Variants in RABGEF1 observed in about 807,000 individuals in gnomAD.
The protein encoded by RABGEF1 is RAB guanine nucleotide exchange factor 1, also known as rab5 GDP/GTP exchange factor.
Under a neutral mutation model 57.3 loss-of-function variants are expected in RABGEF1, and 26 were observed. The ratio of observed to expected loss-of-function variants is 0.45; its 90% confidence interval spans 0.33 to 0.63. The LOEUF (loss-of-function observed/expected upper bound fraction) is 0.63, where lower values mean the gene tolerates loss of function less well. Among genes scored for constraint, RABGEF1 ranks in the 20% least tolerant of loss-of-function variants. The pLI is 0.02. For synonymous variants in RABGEF1, 185 were observed against 210.7 expected (o/e 0.88, Z 1.06); for missense variants, 464 against 607.6 (o/e 0.76, Z 2.48).
intron 1 of RABGEF1, among the ~76,000 whole-genome samples, chr7:66,683,434 G>T (rs1219593588): frequency 6.6e-6 from 1 of 152,222 alleles, no homozygotes; most frequent in African/African-American, 2.4e-5. Context: ...TTCAGGATAT[G>T]AATATTTAAT....
intron 2 of RABGEF1, among the ~76,000 whole-genome samples, chr7:66,724,673 T>G (rs1321941995): frequency 6.6e-6 from 1 of 152,208 alleles, no homozygotes; most frequent in Non-Finnish European, 1.5e-5. Flanking sequence ...CAATATTTAT[T>G]CTTCTTGGAG....
the RABGEF1 span, among the ~76,000 whole-genome samples, chr7:66,676,318 G>A: frequency 2.0e-5 from 3 of 151,960 alleles, no homozygotes; most frequent in Non-Finnish European, 2.9e-5. Flanking sequence ...TTTGCAAATA[G>A]AATCATCTGT....
intron 3 of RABGEF1, among the ~76,000 whole-genome samples, chr7:66,780,769 C>T (rs1809704062): frequency 6.6e-6 from 1 of 152,106 alleles, no homozygotes; most frequent in African/African-American, 2.4e-5. Flanking sequence ...GAAGAATGAA[C>T]CTCTTTTTTA....
chr7:66,682,383 C>G (rs1166731790), intron 1 of RABGEF1: 1 of 153,258 alleles, frequency 6.5e-6, no homozygotes, highest in African/African-American at 2.4e-5. Flanking sequence ...CTCCCGCTGT[C>G]CTTCTTCCCA....
chr7:66,746,752 T>G (rs1421642524), intron 1 of RABGEF1, among the ~76,000 whole-genome samples: 1 of 150,568 alleles, frequency 6.6e-6, no homozygotes, highest in Non-Finnish European at 1.5e-5. Context: ...GCCACCTGAG[T>G]AGCTGGGAAT....
rs560465265 is a variant in RABGEF1 at position 66,711,383 on chromosome 7, G to A, written c.-872-784G>A. ...TCTTAAAGTTTTAGTCTTACATTTAGATCTGAGATCTTTTTGTGCTAATTT... is the reference window on the plus strand; with the variant it reads ...TCTTAAAGTTTTAGTCTTACATTTAAATCTGAGATCTTTTTGTGCTAATTT... On this transcript the variant is annotated intron_variant and NMD_transcript_variant, in intron 1 of 9. Coordinates refer to the RABGEF1 transcript ENST00000607882. Among the ~76,000 whole-genome samples the A allele has an allele frequency of 2.7e-5, 4 of 149,870 alleles. 1 individual carries two copies. The South Asian group carries it at 8.4e-4, about 32-fold the overall frequency.
At chr7:66,755,582 T>A (rs1802517476) in intron 1 of RABGEF1, among the ~76,000 whole-genome samples, 1 of 152,194 alleles carries the variant, frequency 6.6e-6, no homozygotes, top group Non-Finnish European at 1.5e-5. Context: ...GGAGAAATAA[T>A]TTTTGGTCAG....
intron 3 of RABGEF1, among the ~76,000 whole-genome samples, chr7:66,777,113 T>A (rs1808738988): frequency 6.6e-6 from 1 of 152,228 alleles, no homozygotes; most frequent in Non-Finnish European, 1.5e-5. Flanking sequence ...AAGTTATTCT[T>A]CTGATAGAAT....
At chr7:66,761,848 C>G (rs534285005) in intron 1 of RABGEF1, among the ~76,000 whole-genome samples, 4 of 152,188 alleles carry the variant, frequency 2.6e-5, no homozygotes, top group Admixed American at 2.6e-4. Context: ...GTCAGGAGTT[C>G]GAGAGCAGCC....
At chr7:66,714,447 G>A (rs549846030) in intron 2 of RABGEF1, among the ~76,000 whole-genome samples, 22 of 152,082 alleles carry the variant, frequency 1.4e-4, no homozygotes, top group African/African-American at 4.8e-4. Flanking sequence ...TTTATGTCTC[G>A]TTTCCTTTCT....
chr7:66,755,468 C>T (rs1324848642), intron 1 of RABGEF1, among the ~76,000 whole-genome samples: 1 of 151,738 alleles, frequency 6.6e-6, no homozygotes, highest in Admixed American at 6.6e-5. Context: ...AGAGCCAGAT[C>T]CTATGTCAAG....
At chr7:66,671,358 T>A in the RABGEF1 span, among the ~76,000 whole-genome samples, 1 of 151,562 alleles carries the variant, frequency 6.6e-6, no homozygotes, top group African/African-American at 2.4e-5. Context: ...CTACGCAATA[T>A]GAGACCAGGA....
intron 3 of RABGEF1, among the ~76,000 whole-genome samples, chr7:66,782,332 C>G (rs1323280792): frequency 6.6e-6 from 1 of 152,106 alleles, no homozygotes; most frequent in Admixed American, 6.6e-5. Flanking sequence ...CTTTGTTTCT[C>G]CCACTTTCAG....
chr7:66,771,304 A>G (rs1486501657), intron 1 of RABGEF1, among the ~76,000 whole-genome samples: 2 of 151,832 alleles, frequency 1.3e-5, no homozygotes, highest in African/African-American at 4.8e-5. Context: ...ACGCCTGGCT[A>G]ATTTTTTTGT....
At chr7:66,697,089 A>C (rs528065347) in intron 1 of RABGEF1, among the ~76,000 whole-genome samples, 1 of 152,300 alleles carries the variant, frequency 6.6e-6, no homozygotes, top group African/African-American at 2.4e-5. Context: ...CCTCTGTGTC[A>C]ACCAGGAAGC....
At position 66,771,918 on chromosome 7, in the gene RABGEF1, C is replaced by A; in HGVS notation, c.19C>A (p.Arg7Ser). Residue 7 changes from arginine to serine, a missense_variant, in exon 2 of 9, where the codon CGC becomes AGC. Coordinates refer to ENST00000284957, the MANE Select transcript of RABGEF1 (RefSeq NM_014504.3). Reference sequence around the variant, plus strand: ...GAAGAAGATGAGCCTTAAGTCTGAACGCCGAGGAATTCATGTGGATCAATC... The same window carrying A: ...GAAGAAGATGAGCCTTAAGTCTGAAAGCCGAGGAATTCATGTGGATCAATC... MSLKSE[R>S]RGIHVDQSDL... 6.4e-7 allele frequency: 1 copy of A among 1,555,516 alleles called. No individual in the cohort carries two copies. Among genetic ancestry groups the A allele is most frequent in the Non-Finnish European group, 8.7e-7 (1 of 1,150,264 alleles).
At chr7:66,679,751 CA>C (rs1444689960), upstream of RABGEF1, among the ~76,000 whole-genome samples, 5 of 152,304 alleles carry the variant, frequency 3.3e-5, no homozygotes, top group East Asian at 7.7e-4. Flanking sequence ...ATTGTGGGGC[CA>C]GGGGCCTAAA....
At chr7:66,681,827 C>T (rs867238197), upstream of RABGEF1, among the ~76,000 whole-genome samples, 53 of 152,342 alleles carry the variant, frequency 3.5e-4, no homozygotes, top group African/African-American at 1.2e-3. Context: ...GTGGCCTCGG[C>T]TCCAGGAGTC....
chr7:66,738,026 T>TG (rs1329246971), upstream of RABGEF1, among the ~76,000 whole-genome samples: 680 of 132,906 alleles, frequency 5.1e-3, 2 homozygotes, highest in South Asian at 0.014. Context: ...TTTTTTTGTT[T>TG]TTTTTTTTTT....
Sources: gnomAD v4.1 joint callset for allele counts (sites outside exome capture counted in the v4.1 genomes callset) on GRCh38, gnomAD v4.1.1 for gene constraint, MANE v1.5 for transcripts, NCBI Gene and HGNC (gene_info 2026-07-23, HGNC 2026-07-21) for gene names.